The following SP4 variants were observed in gnomAD, a reference collection of about 807,000 sequenced individuals.
SP4 encodes Sp4 transcription factor.
SP4 carries 19 observed loss-of-function variants against 72.8 expected under a neutral mutation model. That is an observed-to-expected ratio of 0.26 (90% CI 0.18 to 0.38). The LOEUF (loss-of-function observed/expected upper bound fraction) is 0.38. Among genes scored for constraint, SP4 ranks in the 10% least tolerant of loss-of-function variants. The pLI, the probability that SP4 is intolerant of heterozygous loss-of-function variation, is 1.00. For missense variants in SP4, 1,008 were observed against 926.3 expected, an observed-to-expected ratio of 1.09 and a Z score of -1.14; for synonymous variants, 395 against 333.1, an observed-to-expected ratio of 1.19 and a Z score of -2.02.
chr7:21,439,780 C>A (rs1362900776), intron 3 of SP4, among the ~76,000 whole-genome samples: 1 of 152,070 alleles, frequency 6.6e-6, no homozygotes, highest in Non-Finnish European at 1.5e-5. Context: ...TGTTTGTAGT[C>A]CCAGCCACTC....
chr7:21,489,750 G>T (rs1316935715), intron 5 of SP4, among the ~76,000 whole-genome samples: 3 of 151,864 alleles, frequency 2.0e-5, no homozygotes, highest in East Asian at 3.9e-4. Flanking sequence ...TAGTAGAGAT[G>T]GGGTTTCACT....
At chr7:21,477,519 T>C (rs1241481839) in intron 4 of SP4, among the ~76,000 whole-genome samples, 2 of 152,198 alleles carry the variant, frequency 1.3e-5, no homozygotes, top group African/African-American at 4.8e-5. Context: ...TTAAAAAATA[T>C]TTTTTCTTTC....
chr7:21,465,748 C>T (rs191120631), intron 3 of SP4, among the ~76,000 whole-genome samples: 47 of 152,200 alleles, frequency 3.1e-4, no homozygotes, highest in Admixed American at 2.5e-3. Flanking sequence ...TGCCTGTTGT[C>T]CTACTGGAGA....
intron 3 of SP4, among the ~76,000 whole-genome samples, chr7:21,448,052 C>T (rs1464630756): frequency 6.6e-6 from 1 of 152,006 alleles, no homozygotes; most frequent in East Asian, 1.9e-4. Flanking sequence ...AGAATGACCC[C>T]CCGTGAAGAA....
At chr7:21,448,485 TG>T (rs1243689470) in intron 3 of SP4, among the ~76,000 whole-genome samples, 1 of 152,134 alleles carries the variant, frequency 6.6e-6, no homozygotes, top group Non-Finnish European at 1.5e-5. Flanking sequence ...GGTGACATTG[TG>T]GTGCTGGTGA....
At chr7:21,482,891 C>T (rs1784724059) in intron 5 of SP4, 1 of 300,876 alleles carries the variant, frequency 3.3e-6, no homozygotes, top group African/African-American at 2.3e-5. Context: ...GAGTCTACCA[C>T]ACTATATTAA....
At chr7:21,468,449 A>G (rs1784234801) in intron 3 of SP4, among the ~76,000 whole-genome samples, 1 of 152,046 alleles carries the variant, frequency 6.6e-6, no homozygotes, top group Non-Finnish European at 1.5e-5. Context: ...ATCTTCCTCA[A>G]GATCTTGCAT....
At chr7:21,504,451 C>T (rs946120354) in intron 5 of SP4, among the ~76,000 whole-genome samples, 3 of 152,178 alleles carry the variant, frequency 2.0e-5, no homozygotes, top group African/African-American at 4.8e-5. Flanking sequence ...ATCTACCTTT[C>T]TCACATAGGG....
intron 3 of SP4, among the ~76,000 whole-genome samples, chr7:21,445,836 G>A (rs1783404961): frequency 6.6e-6 from 1 of 151,992 alleles, no homozygotes; most frequent in Non-Finnish European, 1.5e-5. Context: ...TCTTTTTTTA[G>A]TAACAAGCTA....
intron 3 of SP4, among the ~76,000 whole-genome samples, chr7:21,431,701 T>C (rs1243984872): frequency 6.6e-6 from 1 of 152,228 alleles, no homozygotes; most frequent in Non-Finnish European, 1.5e-5. Context: ...ACCAGTCTTA[T>C]TGTACCTAAT....
intron 3 of SP4, among the ~76,000 whole-genome samples, chr7:21,446,000 G>A (rs1292280387): frequency 7.2e-5 from 7 of 97,296 alleles, no homozygotes; most frequent in African/African-American, 3.6e-4. Context: ...GTGTGTGTGT[G>A]TGTGTGTGTG....
chr7:21,439,567 C>T (rs1364578415), intron 3 of SP4, among the ~76,000 whole-genome samples: 2 of 150,984 alleles, frequency 1.3e-5, no homozygotes, highest in East Asian at 3.9e-4. Flanking sequence ...TTCTTCATGG[C>T]TCAGAATATC....
rs935451263 is a variant in SP4 at position 21,514,569 on chromosome 7, A to G, written c.*3300A>G. On this transcript the variant is annotated 3_prime_UTR_variant, in exon 6 of 6. Transcript: ENST00000222584. ...ATGAAAAAAAAAGATGAATCCAGAA[A>G]AAAACCTGTTTCCCATATTCTAGAA... 6.6e-6 allele frequency: 1 copy of G among 152,026 alleles called. No homozygotes were observed. Among genetic ancestry groups the G allele is most frequent in the African/African-American group, 2.4e-5 (1 of 41,336 alleles). The allele number at this position is 152,026 out of a possible 1,614,324, so 9.4% of individuals were successfully genotyped here. A position where few individuals can be genotyped will look rare whatever the true frequency, so the allele number is the denominator to read the frequency against.
At chr7:21,441,891 A>G (rs182083177) in intron 3 of SP4, among the ~76,000 whole-genome samples, 58 of 152,192 alleles carry the variant, frequency 3.8e-4, no homozygotes, top group African/African-American at 1.3e-3. Flanking sequence ...GAAGTGAGAC[A>G]TGTTTTCTGC....
intron 5 of SP4, among the ~76,000 whole-genome samples, chr7:21,494,067 A>C (rs1785046309): frequency 6.6e-6 from 1 of 152,214 alleles, no homozygotes; most frequent in Non-Finnish European, 1.5e-5. Flanking sequence ...ACACACAATA[A>C]ATATTTGGCA....
Position 21,450,188 on chromosome 7 carries a change from C to A in SP4, c.1678+19345C>A, listed in dbSNP as rs554704599. 6.6e-5 allele frequency among the ~76,000 whole-genome samples: 10 copies of A among 152,126 alleles called. No individual in the cohort carries two copies. The East Asian group carries it at 1.9e-3, about 29-fold the overall frequency. On this transcript the variant is annotated intron_variant, in intron 3 of 5. Coordinates refer to ENST00000222584, the MANE Select transcript of SP4 (RefSeq NM_003112.5). ...GCAGCAGCCTTTAAGCCAGGTACTT[C>A]ATTGTAAAGATTTTCCAGGATTTCT... is the stretch of plus-strand genomic sequence containing the variant.
chr7:21,491,704 C>G (rs1307050128), intron 5 of SP4, among the ~76,000 whole-genome samples: 1 of 152,144 alleles, frequency 6.6e-6, no homozygotes, highest in Non-Finnish European at 1.5e-5. Context: ...CGGATTTCTT[C>G]TTAGAAACTA....
At chr7:21,492,840 A>G (rs1785015584) in intron 5 of SP4, among the ~76,000 whole-genome samples, 1 of 152,236 alleles carries the variant, frequency 6.6e-6, no homozygotes, top group African/African-American at 2.4e-5. Flanking sequence ...ATTTTATTCA[A>G]GAGCACATGG....
chr7:21,479,257 C>T (rs1254842363), intron 4 of SP4, among the ~76,000 whole-genome samples: 1 of 142,502 alleles, frequency 7.0e-6, no homozygotes, highest in Non-Finnish European at 1.5e-5. Context: ...CATTAAGATT[C>T]CTAGTTGTTT....
Sources: gnomAD v4.1 joint callset for allele counts (sites outside exome capture counted in the v4.1 genomes callset) on GRCh38, gnomAD v4.1.1 for gene constraint, MANE v1.5 for transcripts, NCBI Gene and HGNC (gene_info 2026-07-23, HGNC 2026-07-21) for gene names.